The following CDH2 variants were observed in gnomAD, a reference collection of about 807,000 sequenced individuals.
The protein encoded by CDH2 is cadherin 2.
Under a neutral mutation model 92.0 loss-of-function variants are expected in CDH2, and 17 were observed. That is an observed-to-expected ratio of 0.18 (90% CI 0.13 to 0.28). The LOEUF is 0.28. Among genes scored for constraint, CDH2 ranks in the 10% least tolerant of loss-of-function variants. The probability of loss-of-function intolerance (pLI) is 1.00; values close to 1 mark genes in which losing one functional copy is unlikely to be tolerated. For synonymous variants in CDH2, 419 were observed against 415.9 expected, an observed-to-expected ratio of 1.01 and a Z score of -0.09; for missense variants, 862 against 1,133.1, an observed-to-expected ratio of 0.76 and a Z score of 3.44.
chr18:28,094,591 G>A (rs1034539899), intron 2 of CDH2, among the ~76,000 whole-genome samples: 3 of 151,662 alleles, frequency 2.0e-5, no homozygotes, highest in Non-Finnish European at 4.4e-5. Flanking sequence ...TCAGGAGATC[G>A]AGACCATCCT....
At chr18:27,938,469 T>C (rs1909069581) in intron 6 of CDH2, among the ~76,000 whole-genome samples, 1 of 152,198 alleles carries the variant, frequency 6.6e-6, no homozygotes, top group African/African-American at 2.4e-5. Context: ...ATAATTCTTA[T>C]CTCTGACATC....
chr18:28,014,035 A>G, intron 2 of CDH2, 126 bp from the exon 3 acceptor site: 1 of 650,148 alleles, frequency 1.5e-6, no homozygotes, highest in South Asian at 2.0e-5. Flanking sequence ...GAAACACAGA[A>G]GTTTTATTTT....
At chr18:28,176,613 C>G (rs1399518752) in intron 1 of CDH2, among the ~76,000 whole-genome samples, 1 of 152,126 alleles carries the variant, frequency 6.6e-6, no homozygotes, top group African/African-American at 2.4e-5. Flanking sequence ...GCGAAAGGCA[C>G]AGAAAACTGC....
chr18:28,147,645 T>A (rs899067576), intron 2 of CDH2, 28 bp downstream of exon 2: 1 of 1,349,424 alleles, frequency 7.4e-7, no homozygotes, highest in Non-Finnish European at 1.1e-6. Flanking sequence ...GGACACTGCA[T>A]GTACAAATAT....
At chr18:28,010,936 C>T (rs1159987611) in intron 4 of CDH2, among the ~76,000 whole-genome samples, 2 of 146,174 alleles carry the variant, frequency 1.4e-5, no homozygotes, top group Admixed American at 7.2e-5. Flanking sequence ...AGGTGCCCTG[C>T]CTGTTTTTTT....
intron 5 of CDH2, among the ~76,000 whole-genome samples, chr18:28,007,165 A>AAAAATAT (rs1172779200): frequency 8.0e-4 from 88 of 110,448 alleles, no homozygotes; most frequent in Middle Eastern, 4.8e-3. Context: ...ATAAAAAAAA[A>AAAAATAT]ATATATATAT....
intron 2 of CDH2, among the ~76,000 whole-genome samples, chr18:28,125,264 A>G (rs1207034503): frequency 6.6e-6 from 1 of 152,198 alleles, no homozygotes; most frequent in Non-Finnish European, 1.5e-5. Context: ...ACATTATTAC[A>G]CAGTCATTAA....
intron 6 of CDH2, among the ~76,000 whole-genome samples, chr18:27,934,151 A>T (rs1567927604): frequency 6.6e-6 from 1 of 152,204 alleles, no homozygotes; most frequent in Non-Finnish European, 1.5e-5. Context: ...TTCTTTACTT[A>T]TATCAGTTGT....
At chr18:28,101,821 A>G (rs1314004745) in intron 2 of CDH2, among the ~76,000 whole-genome samples, 1 of 152,128 alleles carries the variant, frequency 6.6e-6, no homozygotes, top group Non-Finnish European at 1.5e-5. Flanking sequence ...AATTCCAAAT[A>G]TAAGAAAGAA....
At chr18:28,108,488 C>T (rs1329714036) in intron 2 of CDH2, among the ~76,000 whole-genome samples, 4 of 152,110 alleles carry the variant, frequency 2.6e-5, no homozygotes, top group African/African-American at 9.7e-5. Context: ...CCAAGTCTAA[C>T]TCACCCTGAC....
At chr18:28,031,252 T>A (rs1031424857) in intron 2 of CDH2, among the ~76,000 whole-genome samples, 1 of 152,004 alleles carries the variant, frequency 6.6e-6, no homozygotes, top group Non-Finnish European at 1.5e-5. Flanking sequence ...GTCTAGGAGT[T>A]GAGCTTAACT....
At chr18:27,958,637 T>G (rs1000700109) in intron 15 of CDH2, among the ~76,000 whole-genome samples, 1 of 151,864 alleles carries the variant, frequency 6.6e-6, no homozygotes, top group Non-Finnish European at 1.5e-5. Flanking sequence ...ATGTGATATA[T>G]GTGTATATGT....
chr18:27,936,806 T>C (rs1015151131), intron 6 of CDH2, among the ~76,000 whole-genome samples: 3 of 152,132 alleles, frequency 2.0e-5, no homozygotes, highest in African/African-American at 7.2e-5. Context: ...AGTGCTGGGA[T>C]TGGCATTACA....
chr18:28,038,111 G>A (rs147106230), intron 2 of CDH2, among the ~76,000 whole-genome samples: 28 of 152,196 alleles, frequency 1.8e-4, no homozygotes, highest in African/African-American at 6.5e-4. Context: ...CAGAACTGCT[G>A]ATTTAATTTA....
chr18:27,953,387 T>C (rs1392653034), intron 15 of CDH2, among the ~76,000 whole-genome samples: 2 of 152,130 alleles, frequency 1.3e-5, no homozygotes, highest in Non-Finnish European at 2.9e-5. Flanking sequence ...CTTAATTTTT[T>C]CCCCCAATTC....
intron 2 of CDH2, among the ~76,000 whole-genome samples, chr18:28,062,531 G>A (rs1023860148): frequency 6.6e-6 from 1 of 152,134 alleles, no homozygotes; most frequent in Non-Finnish European, 1.5e-5. Context: ...CTTATTCTGT[G>A]AGTCAAGTAA....
At chr18:28,071,883 GA>G (rs928207654) in intron 2 of CDH2, among the ~76,000 whole-genome samples, 6 of 151,878 alleles carry the variant, frequency 4.0e-5, no homozygotes, top group African/African-American at 1.5e-4. Flanking sequence ...AGTTCCATCA[GA>G]AAAAAATGAC....
At chr18:28,176,218 G>A (rs1476030297) in intron 1 of CDH2, among the ~76,000 whole-genome samples, 1 of 152,216 alleles carries the variant, frequency 6.6e-6, no homozygotes, top group African/African-American at 2.4e-5. Context: ...ATAGGGCACA[G>A]GCAGCCGGAC....
chr18:27,976,959 T>C (rs912127359), intron 14 of CDH2, among the ~76,000 whole-genome samples: 1 of 152,176 alleles, frequency 6.6e-6, no homozygotes, highest in African/African-American at 2.4e-5. Flanking sequence ...CCTGATTTTA[T>C]TAGTGACGCT....
Sources: allele counts gnomAD v4.1 joint callset (sites outside exome capture counted in the v4.1 genomes callset), GRCh38; gene constraint gnomAD v4.1.1; transcripts MANE v1.5; gene names NCBI Gene and HGNC (gene_info 2026-07-23, HGNC 2026-07-21).